Variants in SGIP1 observed in about 807,000 individuals in gnomAD.
SGIP1 encodes the protein SH3GL interacting endocytic adaptor 1, also known as SH3-containing GRB2-like protein 3-interacting protein 1.
A neutral mutation model predicts 107.5 loss-of-function variants in SGIP1; 38 were observed. The observed-to-expected ratio is 0.35, with a 90% CI of 0.27 to 0.46. The LOEUF (loss-of-function observed/expected upper bound fraction) is 0.46. Among genes scored for constraint, SGIP1 ranks in the 20% least tolerant of loss-of-function variants. The probability of loss-of-function intolerance (pLI) is 1.00; values close to 1 mark genes in which losing one functional copy is unlikely to be tolerated. For missense variants in SGIP1, 929 were observed against 1,019.5 expected (o/e 0.91, Z 1.21); for synonymous variants, 365 against 366.1 (o/e 1.00, Z 0.03).
intron 8 of SGIP1, among the ~76,000 whole-genome samples, chr1:66,664,393 A>G (rs1356960289): frequency 6.6e-6 from 1 of 152,190 alleles, no homozygotes; most frequent in Non-Finnish European, 1.5e-5. Context: ...CTAGTGTCCT[A>G]GCTACTTATA....
chr1:66,576,877 G>A (rs1051572297), intron 1 of SGIP1, among the ~76,000 whole-genome samples: 3 of 152,162 alleles, frequency 2.0e-5, no homozygotes, highest in African/African-American at 7.2e-5. Context: ...GGGTATTATT[G>A]TCTTATTTTC....
chr1:66,670,202 C>G (rs1256985502), intron 9 of SGIP1, among the ~76,000 whole-genome samples: 1 of 152,198 alleles, frequency 6.6e-6, no homozygotes, highest in Non-Finnish European at 1.5e-5. Flanking sequence ...ACACTAAGAA[C>G]TTTTCACAAC....
intron 7 of SGIP1, among the ~76,000 whole-genome samples, chr1:66,652,272 T>A (rs549523344): frequency 4.6e-5 from 7 of 152,252 alleles, no homozygotes; most frequent in African/African-American, 1.7e-4. Context: ...TAAATATCAA[T>A]CACCTTCTCA....
intron 22 of SGIP1, among the ~76,000 whole-genome samples, chr1:66,740,262 T>G (rs894863564): frequency 6.6e-6 from 1 of 152,226 alleles, no homozygotes; most frequent in Non-Finnish European, 1.5e-5. Context: ...AGCATTTCAC[T>G]TTTTCCATAC....
chr1:66,549,206 C>T (rs970861568), intron 1 of SGIP1, among the ~76,000 whole-genome samples: 3 of 151,150 alleles, frequency 2.0e-5, no homozygotes, highest in African/African-American at 4.9e-5. Flanking sequence ...TTCCCTTCCT[C>T]CTGTCTTCCT....
At chr1:66,697,854 GCTTTATTAAATAGGATTT>G (rs1354879620) in intron 18 of SGIP1, among the ~76,000 whole-genome samples, 1 of 151,934 alleles carries the variant, frequency 6.6e-6, no homozygotes, top group African/African-American at 2.4e-5. Context: ...CCTTCAACAT[GCTTTATTAAATAGGATTT>G]CTAACATATT....
At chr1:66,612,192 C>T (rs981472468) in intron 1 of SGIP1, among the ~76,000 whole-genome samples, 10 of 152,082 alleles carry the variant, frequency 6.6e-5, no homozygotes, top group Admixed American at 5.2e-4. Context: ...GGAGGAGGTG[C>T]CAGGTTCTTT....
chr1:66,734,742 G>A (rs936213379), intron 21 of SGIP1, among the ~76,000 whole-genome samples: 2 of 152,150 alleles, frequency 1.3e-5, no homozygotes, highest in Non-Finnish European at 2.9e-5. Context: ...CTGACCTCAG[G>A]TGATCCGCCC....
At position 66,682,203 on chromosome 1, in the gene SGIP1, C is replaced by T. The variant is rs756382235; in HGVS notation, c.1149C>T (p.Val383=). ...ATTTAGAAGAAGTCCAGAAGAAAGTCGCTGAGCAGACCTTCATTAAAGATG... is the reference window on the plus strand; with the variant it reads ...ATTTAGAAGAAGTCCAGAAGAAAGTTGCTGAGCAGACCTTCATTAAAGATG... ...PLNLEEVQKK[V]AEQTFIKDDY... The change falls in exon 15 of 25, where the codon GTC becomes GTT. Residue 383 remains valine (V), a synonymous_variant. Coordinates refer to ENST00000371037, the MANE Select transcript of SGIP1 (RefSeq NM_032291.4). 9 of 1,614,092 alleles carry T rather than the reference C, an allele frequency of 5.6e-6. No individual in the cohort carries two copies. The highest frequency in any genetic ancestry group is 1.6e-4 in the Middle Eastern group (1 of 6,082).
intron 4 of SGIP1, among the ~76,000 whole-genome samples, chr1:66,639,314 C>A (rs1212301905): frequency 6.6e-6 from 1 of 152,002 alleles, no homozygotes; most frequent in Non-Finnish European, 1.5e-5. Context: ...AAATTGAGTG[C>A]TAAAATGCTA....
At chr1:66,573,928 A>G (rs573988925) in intron 1 of SGIP1, among the ~76,000 whole-genome samples, 7 of 152,276 alleles carry the variant, frequency 4.6e-5, no homozygotes, top group African/African-American at 1.7e-4. Context: ...AAATTTAAAA[A>G]CAAAAATAAA....
intron 1 of SGIP1, among the ~76,000 whole-genome samples, chr1:66,620,392 G>T (rs948038891): frequency 6.6e-6 from 1 of 152,148 alleles, no homozygotes; most frequent in Non-Finnish European, 1.5e-5. Flanking sequence ...CTGTTATAAA[G>T]ATACTACCCA....
chr1:66,639,844 G>A lies in SGIP1; in HGVS notation c.228+11G>A. ...GATTGGGAAAGATATGTGAGTATCA[G>A]AAGAGTGTTTCTCTTTATTAAGTAT... On this transcript the variant is annotated intron_variant, in intron 5 of 24. Transcript: ENST00000371037. 6.2e-7 allele frequency: 1 copy of A among 1,606,218 alleles called. No homozygotes were observed. Among genetic ancestry groups the A allele is most frequent in the Non-Finnish European group, 8.5e-7 (1 of 1,174,272 alleles).
chr1:66,549,137 GCC>G, intron 1 of SGIP1, among the ~76,000 whole-genome samples: 1 of 144,530 alleles, frequency 6.9e-6, no homozygotes, highest in South Asian at 2.3e-4. Flanking sequence ...CTGGCTACCT[GCC>G]TTCCTTCCTT....
At chr1:66,554,821 A>G (rs1205642986) in intron 1 of SGIP1, among the ~76,000 whole-genome samples, 3 of 152,132 alleles carry the variant, frequency 2.0e-5, no homozygotes, top group African/African-American at 7.2e-5. Flanking sequence ...AGAGTCACAA[A>G]TTGGAAATAT....
At chr1:66,552,866 AC>A (rs1472141428) in intron 1 of SGIP1, among the ~76,000 whole-genome samples, 1 of 152,108 alleles carries the variant, frequency 6.6e-6, no homozygotes, top group African/African-American at 2.4e-5. Context: ...AACGACTTCA[AC>A]CACTATAAGG....
chr1:66,612,871 T>C (rs559796086), intron 1 of SGIP1, among the ~76,000 whole-genome samples: 17 of 152,332 alleles, frequency 1.1e-4, no homozygotes, highest in African/African-American at 3.8e-4. Context: ...TATTTACATA[T>C]TGTAGCAACT....
At chr1:66,620,722 A>G (rs2070836121) in intron 1 of SGIP1, among the ~76,000 whole-genome samples, 1 of 152,214 alleles carries the variant, frequency 6.6e-6, no homozygotes, top group South Asian at 2.1e-4. Flanking sequence ...GGGGACATAA[A>G]GCCAAACCAT....
intron 1 of SGIP1, among the ~76,000 whole-genome samples, chr1:66,566,117 C>T (rs971822521): frequency 2.6e-5 from 4 of 151,914 alleles, no homozygotes; most frequent in African/African-American, 9.7e-5. Context: ...TTAACCATTC[C>T]GCTAGAATAT....
Sources: gnomAD v4.1 joint callset for allele counts (sites outside exome capture counted in the v4.1 genomes callset) on GRCh38, gnomAD v4.1.1 for gene constraint, MANE v1.5 for transcripts, NCBI Gene and HGNC (gene_info 2026-07-23, HGNC 2026-07-21) for gene names.